Variants in ADAMTSL1 observed in about 807,000 individuals in gnomAD.
ADAMTSL1 encodes the protein ADAMTS like 1.
In ADAMTSL1, 126 loss-of-function variants were observed where a neutral mutation model predicts 201.8. The observed-to-expected ratio is 0.62, with a 90% CI of 0.54 to 0.72. The LOEUF is 0.72. ADAMTSL1 is among the 30% of genes least tolerant of loss of function. The pLI, the probability that ADAMTSL1 is intolerant of heterozygous loss-of-function variation, is 0.00. For synonymous variants in ADAMTSL1, 1,121 were observed against 903.4 expected, an observed-to-expected ratio of 1.24 and a Z score of -4.32; for missense variants, 2,679 against 2,277.8, an observed-to-expected ratio of 1.18 and a Z score of -3.59.
chr9:18,790,862 G>T (rs1159459003), intron 19 of ADAMTSL1, among the ~76,000 whole-genome samples: 1 of 152,138 alleles, frequency 6.6e-6, no homozygotes, highest in Non-Finnish European at 1.5e-5. Context: ...AAGTCAAGGA[G>T]TATTGATATA....
chr9:18,142,042 T>G (rs1385970440), intron 1 of ADAMTSL1, among the ~76,000 whole-genome samples: 1 of 152,188 alleles, frequency 6.6e-6, no homozygotes, highest in East Asian at 1.9e-4. Flanking sequence ...AAGTGAGAGT[T>G]CTTGTCCTTT....
At chr9:17,977,498 T>C (rs1441809219) in intron 1 of ADAMTSL1, among the ~76,000 whole-genome samples, 2 of 152,130 alleles carry the variant, frequency 1.3e-5, no homozygotes, top group Non-Finnish European at 2.9e-5. Flanking sequence ...TCAGATGATC[T>C]ATTTCTCCAT....
In ADAMTSL1 at chr9:18,908,559, T is replaced by TG; in HGVS notation, c.*15dup. The TG allele has an allele frequency of 1.3e-6, 2 of 1,554,244 alleles. No homozygotes were observed. Among genetic ancestry groups the TG allele is most frequent in the Non-Finnish European group, 1.7e-6 (2 of 1,148,230 alleles). ...TGTGGCAAAGCGTGAAGATAGGGTG[T>TG]GGGGAAAAACTCTACCCTGGCCACA... is the stretch of plus-strand genomic sequence containing the variant. On this transcript the variant is annotated 3_prime_UTR_variant, in exon 29 of 29. Transcript: ENST00000380548.
At chr9:17,957,842 G>T (rs990753872) in intron 1 of ADAMTSL1, among the ~76,000 whole-genome samples, 27 of 152,100 alleles carry the variant, frequency 1.8e-4, no homozygotes, top group African/African-American at 6.5e-4. Context: ...AAGGGCTGCT[G>T]GGAGTCACCC....
intron 2 of ADAMTSL1, among the ~76,000 whole-genome samples, chr9:18,271,745 C>T (rs1281029966): frequency 1.3e-5 from 2 of 152,140 alleles, no homozygotes; most frequent in African/African-American, 2.4e-5. Flanking sequence ...CCTGAGGGAT[C>T]ACCACACTGT....
At chr9:18,665,784 A>G (rs57846477) in intron 9 of ADAMTSL1, among the ~76,000 whole-genome samples, 22,501 of 151,980 alleles carry the variant, frequency 0.15, 1,700 homozygotes, top group East Asian at 0.28. Context: ...GGCTGAAGAG[A>G]TTGTTGACAT....
chr9:18,158,449 G>A (rs755398868), intron 1 of ADAMTSL1, among the ~76,000 whole-genome samples: 14 of 151,770 alleles, frequency 9.2e-5, no homozygotes, highest in South Asian at 2.1e-4. Flanking sequence ...ACGGAAAGAG[G>A]CCCATTGAGG....
chr9:18,127,830 G>A (rs1002150843), intron 1 of ADAMTSL1, among the ~76,000 whole-genome samples: 1 of 152,230 alleles, frequency 6.6e-6, no homozygotes, highest in South Asian at 2.1e-4. Flanking sequence ...AAGACTACCG[G>A]CATATCATCA....
At chr9:18,738,868 T>C (rs964702094) in intron 15 of ADAMTSL1, among the ~76,000 whole-genome samples, 3 of 152,160 alleles carry the variant, frequency 2.0e-5, no homozygotes, top group African/African-American at 7.2e-5. Flanking sequence ...CTCTTGTGTA[T>C]GAGAAATATT....
chr9:18,347,656 C>A (rs1835784408), intron 2 of ADAMTSL1, among the ~76,000 whole-genome samples: 3 of 152,106 alleles, frequency 2.0e-5, no homozygotes, highest in South Asian at 4.1e-4. Context: ...CTTTTCCTCT[C>A]CCAAATGAAA....
chr9:18,650,900 A>C (rs988224477), intron 7 of ADAMTSL1, among the ~76,000 whole-genome samples: 1 of 152,208 alleles, frequency 6.6e-6, no homozygotes, highest in African/African-American at 2.4e-5. Context: ...TGGAATGGTA[A>C]TAAAATACTC....
intron 1 of ADAMTSL1, among the ~76,000 whole-genome samples, chr9:18,030,067 A>C (rs1820878607): frequency 6.6e-6 from 1 of 152,208 alleles, no homozygotes; most frequent in African/African-American, 2.4e-5. Context: ...AAAGGATTAT[A>C]AATCCTGCTG....
intron 1 of ADAMTSL1, among the ~76,000 whole-genome samples, chr9:17,920,773 G>A (rs764380286): frequency 5.3e-5 from 8 of 152,190 alleles, no homozygotes; most frequent in African/African-American, 1.9e-4. Context: ...TGGGCTATAC[G>A]GTCTTTGTCC....
At chr9:18,297,472 A>G (rs1833519656) in intron 2 of ADAMTSL1, among the ~76,000 whole-genome samples, 2 of 151,870 alleles carry the variant, frequency 1.3e-5, no homozygotes, top group Admixed American at 6.6e-5. Flanking sequence ...CAGATGTGTA[A>G]TCTCAGACGT....
chr9:17,940,805 C>CCCG (rs1554667535), intron 1 of ADAMTSL1, among the ~76,000 whole-genome samples: 2 of 56,592 alleles, frequency 3.5e-5, no homozygotes, highest in African/African-American at 1.3e-4. Flanking sequence ...AAATAACACC[C>CCCG]CCCCCCCAAA....
At chr9:17,964,676 G>T (rs1817907029) in intron 1 of ADAMTSL1, among the ~76,000 whole-genome samples, 1 of 152,150 alleles carries the variant, frequency 6.6e-6, no homozygotes, top group Admixed American at 6.6e-5. Context: ...CTCTTGTACT[G>T]TAGTGGTAGA....
chr9:18,138,894 C>G lies in ADAMTSL1; in HGVS notation c.88-24968C>G, dbSNP rs867394120. Among the ~76,000 whole-genome samples the G allele has an allele frequency of 2.1e-4, 32 of 152,164 alleles. 1 individual carries two copies. Among genetic ancestry groups the G allele is most frequent in the South Asian group, 1.5e-3 (7 of 4,808 alleles). ...TAGCCATAAGCCTCTTGCATGCCCT[C>G]ATGAGTTTAAAGAGTGCATAGTTGA... On this transcript the variant is annotated intron_variant, in intron 1 of 29. Coordinates refer to the ADAMTSL1 transcript ENST00000680146.
At chr9:18,523,359 A>G (rs1007855990) in intron 2 of ADAMTSL1, among the ~76,000 whole-genome samples, 1 of 152,126 alleles carries the variant, frequency 6.6e-6, no homozygotes, top group African/African-American at 2.4e-5. Flanking sequence ...TCAGATGAGT[A>G]GGTTGCAAAA....
At chr9:18,281,474 G>A (rs1005245864) in intron 2 of ADAMTSL1, among the ~76,000 whole-genome samples, 4 of 152,162 alleles carry the variant, frequency 2.6e-5, no homozygotes, top group African/African-American at 9.7e-5. Context: ...TGAAGCTTCG[G>A]TACAGTCTAG....
Sources: gnomAD v4.1 joint callset for allele counts (sites outside exome capture counted in the v4.1 genomes callset) on GRCh38, gnomAD v4.1.1 for gene constraint, MANE v1.5 for transcripts, NCBI Gene and HGNC (gene_info 2026-07-23, HGNC 2026-07-21) for gene names.